The following ADAMTSL1 variants were observed in gnomAD, a reference collection of about 807,000 sequenced individuals.
The protein encoded by ADAMTSL1 is ADAMTS-like protein 1.
In ADAMTSL1, 126 loss-of-function variants were observed where a neutral mutation model predicts 201.8. The ratio of observed to expected loss-of-function variants is 0.62; its 90% CI spans 0.54 to 0.72. The LOEUF (loss-of-function observed/expected upper bound fraction) is 0.72, where lower values mean the gene tolerates loss of function less well. ADAMTSL1 is among the 30% of genes least tolerant of loss of function. ADAMTSL1 has a pLI of 0.00. For missense variants in ADAMTSL1, 2,679 were observed against 2,277.8 expected (o/e 1.18, Z -3.59); for synonymous variants, 1,121 against 903.4 (o/e 1.24, Z -4.32).
chr9:17,995,541 A>T (rs1048702011), intron 1 of ADAMTSL1, among the ~76,000 whole-genome samples: 1 of 152,096 alleles, frequency 6.6e-6, no homozygotes, highest in Non-Finnish European at 1.5e-5. Flanking sequence ...AATTGGGAAT[A>T]GTTTGGTCTG....
intron 20 of ADAMTSL1, among the ~76,000 whole-genome samples, chr9:18,800,377 CAAAAAAA>C (rs58346548): frequency 9.1e-4 from 55 of 60,670 alleles, no homozygotes; most frequent in South Asian, 2.5e-3. Flanking sequence ...AACTCCATCT[CAAAAAAA>C]AAAAAAAAAA....
In ADAMTSL1 at chr9:18,908,655, C is replaced by T. The variant is rs909952518; in HGVS notation, c.*107C>T. 3.5e-6 allele frequency: 3 copies of T among 866,836 alleles called. No homozygotes were observed. Among genetic ancestry groups the T allele is most frequent in the African/African-American group, 3.4e-5 (2 of 59,036 alleles). The allele number at this position is 866,836 out of a possible 1,614,324, so 53.7% of individuals were successfully genotyped here. ...ATTTTATTTATTTATTTCCCCCTCC[C>T]CACTCCACACACACCCTTCCAACCT... On this transcript the variant is annotated 3_prime_UTR_variant, in exon 29 of 29. Coordinates refer to ENST00000380548, the MANE Select transcript of ADAMTSL1 (RefSeq NM_001040272.6).
intron 1 of ADAMTSL1, among the ~76,000 whole-genome samples, chr9:17,967,855 G>A: frequency 6.6e-6 from 1 of 152,038 alleles, no homozygotes; most frequent in South Asian, 2.1e-4. Flanking sequence ...TTTGTCCAAG[G>A]TCTTCTTCTG....
chr9:18,840,968 C>A (rs1160201885), intron 23 of ADAMTSL1, among the ~76,000 whole-genome samples: 1 of 147,978 alleles, frequency 6.8e-6, no homozygotes, highest in South Asian at 2.2e-4. Flanking sequence ...GATATACAAT[C>A]ATGTCATCTG....
chr9:18,543,356 T>TTA (rs397893515), intron 3 of ADAMTSL1, among the ~76,000 whole-genome samples: 1 of 151,968 alleles, frequency 6.6e-6, no homozygotes, highest in Non-Finnish European at 1.5e-5. Flanking sequence ...CTTTTTTTTT[T>TTA]AATGCTAAAA....
intron 2 of ADAMTSL1, among the ~76,000 whole-genome samples, chr9:18,457,047 A>T (rs1820632956): frequency 6.6e-6 from 1 of 152,142 alleles, no homozygotes; most frequent in Admixed American, 6.5e-5. Flanking sequence ...TTTTGAAAGA[A>T]ACTGTTTCAT....
At chr9:18,787,178 T>G (rs898589102) in intron 19 of ADAMTSL1, among the ~76,000 whole-genome samples, 1 of 152,192 alleles carries the variant, frequency 6.6e-6, no homozygotes, top group Non-Finnish European at 1.5e-5. Context: ...TTGTTTCCCT[T>G]ATAGAGCTAA....
At chr9:18,712,008 G>C (rs1249759257) in intron 14 of ADAMTSL1, among the ~76,000 whole-genome samples, 2 of 152,244 alleles carry the variant, frequency 1.3e-5, no homozygotes, top group South Asian at 2.1e-4. Context: ...ACACGGCCGG[G>C]TACTCCAACA....
At chr9:18,291,833 A>G (rs1026495750) in intron 2 of ADAMTSL1, among the ~76,000 whole-genome samples, 4 of 151,894 alleles carry the variant, frequency 2.6e-5, no homozygotes, top group African/African-American at 9.7e-5. Context: ...TCCAGAAAGC[A>G]TACCTCTAGA....
At chr9:18,794,945 A>T (rs1822307663) in intron 19 of ADAMTSL1, among the ~76,000 whole-genome samples, 1 of 152,152 alleles carries the variant, frequency 6.6e-6, no homozygotes, top group Admixed American at 6.5e-5. Context: ...TCTGGCCAAG[A>T]TGTCTGTCTT....
intron 2 of ADAMTSL1, among the ~76,000 whole-genome samples, chr9:18,330,517 G>A (rs531600833): frequency 7.2e-5 from 11 of 151,922 alleles, no homozygotes; most frequent in Non-Finnish European, 1.2e-4. Flanking sequence ...GTGGATGCCC[G>A]AGGCTGATGT....
intron 1 of ADAMTSL1, among the ~76,000 whole-genome samples, chr9:18,160,378 G>T (rs1054660858): frequency 6.6e-6 from 1 of 151,970 alleles, no homozygotes; most frequent in Non-Finnish European, 1.5e-5. Context: ...ATCCGGAAGA[G>T]ATTTAAGTTT....
At chr9:18,264,119 A>T (rs1832031276) in intron 2 of ADAMTSL1, among the ~76,000 whole-genome samples, 1 of 152,166 alleles carries the variant, frequency 6.6e-6, no homozygotes, top group Non-Finnish European at 1.5e-5. Flanking sequence ...ACTAGCATCT[A>T]GATTCTCTAG....
intron 2 of ADAMTSL1, among the ~76,000 whole-genome samples, chr9:18,371,910 C>T (rs559138044): frequency 1.4e-4 from 22 of 152,278 alleles, no homozygotes; most frequent in South Asian, 8.3e-4. Flanking sequence ...GATCTCTGAA[C>T]GTGCTTTCTC....
At chr9:17,927,491 A>T (rs1176377065) in intron 1 of ADAMTSL1, among the ~76,000 whole-genome samples, 1 of 151,738 alleles carries the variant, frequency 6.6e-6, no homozygotes, top group African/African-American at 2.4e-5. Flanking sequence ...ATGTATATTG[A>T]TATATAAATT....
chr9:18,640,325 C>A (rs1316088224), intron 7 of ADAMTSL1, among the ~76,000 whole-genome samples: 1 of 152,088 alleles, frequency 6.6e-6, no homozygotes, highest in Non-Finnish European at 1.5e-5. Flanking sequence ...AGAAATGATG[C>A]TGTAGGTAGT....
In ADAMTSL1 at chr9:18,741,845, G is replaced by A. The variant is rs965112935; in HGVS notation, c.2007-11453G>A. On this transcript the variant is annotated intron_variant, in intron 15 of 28. Coordinates refer to ENST00000380548, the MANE Select transcript of ADAMTSL1 (RefSeq NM_001040272.6). ...TTGCTTCCAGCTTTTCTTGTGTAGG[G>A]TGTTCTTCAGGTTGCTACTTCAAGG... Among the ~76,000 whole-genome samples the A allele has an allele frequency of 2.7e-4, 41 of 152,048 alleles. 1 individual carries two copies. The highest frequency in any genetic ancestry group is 9.7e-4 in the African/African-American group (40 of 41,408).
At chr9:18,486,566 A>G (rs983785414) in intron 1 of ADAMTSL1, among the ~76,000 whole-genome samples, 4 of 152,094 alleles carry the variant, frequency 2.6e-5, no homozygotes, top group African/African-American at 9.7e-5. Context: ...TTGGACAGGC[A>G]TGGTAGTGCG....
intron 4 of ADAMTSL1, among the ~76,000 whole-genome samples, chr9:18,594,472 T>C (rs1444706903): frequency 3.3e-5 from 5 of 152,308 alleles, no homozygotes; most frequent in Non-Finnish European, 5.9e-5. Context: ...TATTTGCTTT[T>C]TGATGTCCTG....
Sources: gnomAD v4.1 joint callset for allele counts (sites outside exome capture counted in the v4.1 genomes callset) on GRCh38, gnomAD v4.1.1 for gene constraint, MANE v1.5 for transcripts, NCBI Gene and HGNC (gene_info 2026-07-23, HGNC 2026-07-21) for gene names.